The following SLC35D1 variants were observed in gnomAD, a reference collection of about 807,000 sequenced individuals.
SLC35D1 encodes the protein nucleotide sugar transporter SLC35D1.
A neutral mutation model predicts 46.7 loss-of-function variants in SLC35D1; 31 were observed. That is an observed-to-expected ratio of 0.66 (90% CI 0.50 to 0.90). The LOEUF is 0.90. SLC35D1 is among the 40% of genes least tolerant of loss of function. The pLI, the probability that SLC35D1 is intolerant of heterozygous loss-of-function variation, is 0.00. For synonymous variants in SLC35D1, 195 were observed against 164.6 expected (o/e 1.18, Z -1.41); for missense variants, 397 against 426.2 (o/e 0.93, Z 0.60).
the SLC35D1 span, among the ~76,000 whole-genome samples, chr1:66,992,352 G>A: frequency 1.2e-4 from 18 of 152,286 alleles, no homozygotes; most frequent in African/African-American, 4.3e-4. Context: ...ACTCTAACCT[G>A]TATAGCAGCA....
chr1:67,010,779 A>T (rs1470763160), intron 10 of SLC35D1, among the ~76,000 whole-genome samples: 1 of 152,194 alleles, frequency 6.6e-6, no homozygotes, highest in Non-Finnish European at 1.5e-5. Flanking sequence ...GGGTTGCAGG[A>T]AATCAAAAAA....
the SLC35D1 span, chr1:66,985,019 C>T: frequency 7.1e-7 from 1 of 1,405,776 alleles, no homozygotes; most frequent in Non-Finnish European, 9.3e-7. Flanking sequence ...TGAATTGAGT[C>T]TTAACTTTAG....
intron 11 of SLC35D1, among the ~76,000 whole-genome samples, chr1:67,007,917 T>G (rs1667484108): frequency 6.6e-6 from 1 of 152,176 alleles, no homozygotes; most frequent in Non-Finnish European, 1.5e-5. Flanking sequence ...GTTGATACCT[T>G]CTAGTACTAT....
At position 67,013,157 on chromosome 1, in the gene SLC35D1, G is replaced by GATATATATATATATATATATATATAT. The variant is rs964691631; in HGVS notation, c.877-3991_877-3990insATATATATATATATATATATATATAT. Among the ~76,000 whole-genome samples the GATATATATATATATATATATATATAT allele has an allele frequency of 6.2e-3, 184 of 29,738 alleles. 15 individuals carry two copies. The highest frequency in any genetic ancestry group is 0.028 in the Middle Eastern group (2 of 72). 19.5% of individuals were successfully genotyped at this position (29,738 alleles called of 152,430 possible). On this transcript the variant is annotated intron_variant, in intron 10 of 11. Transcript: ENST00000235345. ...ATAATTTAAGAACATATATCCTGGA[G>GATATATATATATATATATATATATAT]ATATATATATATCCTGTTCTTAAAT...
intron 5 of SLC35D1, among the ~76,000 whole-genome samples, chr1:67,050,177 A>T (rs1570646461): frequency 1.3e-5 from 2 of 152,272 alleles, no homozygotes; most frequent in East Asian, 3.9e-4. Flanking sequence ...TATGATTCTG[A>T]TCCAGCTTCT....
At chr1:66,995,103 C>T (rs529084240), downstream of SLC35D1, among the ~76,000 whole-genome samples, 1 of 152,232 alleles carries the variant, frequency 6.6e-6, no homozygotes, top group African/African-American at 2.4e-5. Flanking sequence ...GCATTCACCT[C>T]CAGTTCTGCC....
intron 11 of SLC35D1, among the ~76,000 whole-genome samples, chr1:67,006,709 C>T (rs921456660): frequency 2.4e-4 from 37 of 152,052 alleles, no homozygotes; most frequent in African/African-American, 8.5e-4. Flanking sequence ...ACTGACTCTA[C>T]GGTTAGGTCT....
At chr1:66,976,978 A>G in the SLC35D1 span, among the ~76,000 whole-genome samples, 11 of 152,244 alleles carry the variant, frequency 7.2e-5, no homozygotes, top group Admixed American at 7.2e-4. Flanking sequence ...GTATGAGACA[A>G]GCATATCATT....
chr1:67,016,347 T>C (rs566812380), intron 10 of SLC35D1, among the ~76,000 whole-genome samples: 1 of 152,056 alleles, frequency 6.6e-6, no homozygotes, highest in Non-Finnish European at 1.5e-5. Flanking sequence ...ATCGGTAGAG[T>C]CCAAAATTTG....
the SLC35D1 span, among the ~76,000 whole-genome samples, chr1:66,989,652 G>A: frequency 2.0e-5 from 3 of 152,214 alleles, no homozygotes; most frequent in African/African-American, 7.2e-5. Flanking sequence ...ATTTGTAGAG[G>A]TGAGGTCTCA....
At chr1:66,976,674 A>C in the SLC35D1 span, 1 of 1,607,030 alleles carries the variant, frequency 6.2e-7, no homozygotes, top group Admixed American at 1.7e-5. Flanking sequence ...TTCTTTGCTC[A>C]GCAAACACGA....
At chr1:67,035,641 T>C (rs987289994) in intron 8 of SLC35D1, among the ~76,000 whole-genome samples, 1 of 152,040 alleles carries the variant, frequency 6.6e-6, no homozygotes, top group South Asian at 2.1e-4. Flanking sequence ...ACCAACTTTT[T>C]GTTTCATTAA....
the SLC35D1 span, among the ~76,000 whole-genome samples, chr1:66,993,993 T>C: frequency 4.6e-5 from 7 of 152,210 alleles, no homozygotes; most frequent in Admixed American, 2.0e-4. Flanking sequence ...GTGAAAATAA[T>C]TGGATCAAAA....
At chr1:67,004,852 A>G (rs774332465) in intron 11 of SLC35D1, among the ~76,000 whole-genome samples, 1 of 152,136 alleles carries the variant, frequency 6.6e-6, no homozygotes, top group Non-Finnish European at 1.5e-5. Context: ...TTGCATTTCG[A>G]AAAATAGGCA....
Position 67,053,804 on chromosome 1 carries a change from G to C in SLC35D1, c.203+7C>G. 6 of 1,598,888 alleles carry C rather than the reference G, an allele frequency of 3.8e-6. No homozygotes were observed. Among genetic ancestry groups the C allele is most frequent in the Non-Finnish European group, 5.1e-6 (6 of 1,173,332 alleles). On this transcript the variant is annotated splice_region_variant and intron_variant, in intron 1 of 11. Coordinates refer to ENST00000235345, the MANE Select transcript of SLC35D1 (RefSeq NM_015139.3). ...CGCGGCCTGGGCCGCCGCCGCCTCG[G>C]CCCTACCTGTAATTGGTGAGCACGC...
At chr1:67,034,057 T>C (rs1428529875) in intron 8 of SLC35D1, among the ~76,000 whole-genome samples, 2 of 152,210 alleles carry the variant, frequency 1.3e-5, no homozygotes, top group Non-Finnish European at 2.9e-5. Flanking sequence ...TATATGTCTG[T>C]TTTTATGACA....
the SLC35D1 span, among the ~76,000 whole-genome samples, chr1:66,978,831 C>T: frequency 6.6e-6 from 1 of 152,178 alleles, no homozygotes; most frequent in Non-Finnish European, 1.5e-5. Flanking sequence ...TCAAGATCAA[C>T]AGGTTAGGTA....
chr1:66,977,833 T>C, the SLC35D1 span, among the ~76,000 whole-genome samples: 1 of 151,388 alleles, frequency 6.6e-6, no homozygotes, highest in Non-Finnish European at 1.5e-5. Flanking sequence ...AAAATAAAAA[T>C]AAAAAAAAAT....
intron 7 of SLC35D1, among the ~76,000 whole-genome samples, chr1:67,042,635 T>C (rs1175888765): frequency 6.6e-6 from 1 of 152,118 alleles, no homozygotes; most frequent in Admixed American, 6.6e-5. Flanking sequence ...GAGGTTATTT[T>C]GAACACATAC....
Sources: allele counts gnomAD v4.1 joint callset (sites outside exome capture counted in the v4.1 genomes callset), GRCh38; gene constraint gnomAD v4.1.1; transcripts MANE v1.5; gene names NCBI Gene and HGNC (gene_info 2026-07-23, HGNC 2026-07-21).